The following CFAP46 variants were observed in gnomAD, a reference collection of about 807,000 sequenced individuals.
CFAP46 encodes the protein cilia- and flagella-associated protein 46.
Under a neutral mutation model 325.7 loss-of-function variants are expected in CFAP46, and 245 were observed. The observed-to-expected ratio is 0.75, with a 90% CI of 0.68 to 0.84. The LOEUF (loss-of-function observed/expected upper bound fraction) is 0.84. CFAP46 is among the 40% of genes least tolerant of loss of function. The pLI, the probability that CFAP46 is intolerant of heterozygous loss-of-function variation, is 0.00. For missense variants in CFAP46, 3,346 were observed against 3,543.0 expected, an observed-to-expected ratio of 0.94 and a Z score of 1.41; for synonymous variants, 1,523 against 1,495.9, an observed-to-expected ratio of 1.02 and a Z score of -0.42.
At chr10:132,879,694 A>G in intron 28 of CFAP46, 63 bp from the exon 29 acceptor site, 1 of 1,417,324 alleles carries the variant, frequency 7.1e-7, no homozygotes, top group Non-Finnish European at 9.3e-7. Context: ...GCCCCAGGCC[A>G]CTCCCTTCCC....
At chr10:132,883,519 G>A (rs534593277) in intron 27 of CFAP46, among the ~76,000 whole-genome samples, 1 of 152,378 alleles carries the variant, frequency 6.6e-6, no homozygotes, top group South Asian at 2.1e-4. Flanking sequence ...CTGCAGGCGG[G>A]AAGGCAACCC....
In CFAP46 at chr10:132,832,036, C is replaced by G. The variant is rs934262127; in HGVS notation, c.7117+1322G>C. 1.3e-5 allele frequency among the ~76,000 whole-genome samples: 2 copies of G among 152,170 alleles called. No homozygotes were observed. Among genetic ancestry groups the G allele is most frequent in the African/African-American group, 4.8e-5 (2 of 41,452 alleles). On this transcript the variant is annotated intron_variant, in intron 50 of 57. Coordinates refer to ENST00000368586, the MANE Select transcript of CFAP46 (RefSeq NM_001200049.3). The surrounding 1 kb of genome is among the most constrained non-coding windows in gnomAD (Gnocchi z 4.1). ...TTTAAATACTTTGCTTCCATTCCCT[C>G]CCTCTCATCTTTTGTGCTGTCGTCA... is the stretch of plus-strand genomic sequence containing the variant.
rs780095683 is a variant in CFAP46 at position 132,835,416 on chromosome 10, C to T, written c.6632G>A (p.Arg2211His). 8.7e-6 allele frequency: 14 copies of T among 1,613,390 alleles called. No individual in the cohort carries two copies. Among genetic ancestry groups the T allele is most frequent in the South Asian group, 4.4e-5 (4 of 91,080 alleles). The change falls in exon 47 of 58, where the codon CGT (arginine) becomes CAT (histidine). Residue 2211 changes from arginine (R) to histidine (H), a missense_variant. Arg to His is a conservative substitution (Grantham distance 29). Coordinates refer to ENST00000368586, the MANE Select transcript of CFAP46 (RefSeq NM_001200049.3). ...QAVGGSCKVMRLAISPTAFSH... is the reference protein window; with the variant it reads ...QAVGGSCKVMHLAISPTAFSH... ...GAAGGCAGTGGGACTTATGGCCAGA[C>T]GCATCACCTTGCAGGAGCCTGTGGG...
At chr10:132,865,992 G>A (rs897377869) in intron 35 of CFAP46, 33 bp downstream of exon 35, 15 of 1,468,554 alleles carry the variant, frequency 1.0e-5, no homozygotes, top group Middle Eastern at 2.0e-4. Context: ...GGGAGCGGCT[G>A]TGGATGGTGA....
chr10:132,813,840 TG>T, intron 54 of CFAP46, among the ~76,000 whole-genome samples: 1 of 152,284 alleles, frequency 6.6e-6, no homozygotes, highest in East Asian at 1.9e-4. Context: ...CAAGGGCATC[TG>T]GGGGGCAGAG....
At chr10:132,934,937 C>T (rs1287348722) in intron 7 of CFAP46, 75 bp from the exon 8 acceptor site, 15 of 957,292 alleles carry the variant, frequency 1.6e-5, no homozygotes, top group Admixed American at 3.9e-5. Context: ...AGAAACTCTG[C>T]GTGTATGAAA....
In CFAP46 at chr10:132,885,961, TG is replaced by T. The variant is rs1564789910; in HGVS notation, c.3305-3del. The T allele has an allele frequency of 6.5e-7, 1 of 1,549,262 alleles. No homozygotes were observed. Among genetic ancestry groups the T allele is most frequent in the Non-Finnish European group, 8.7e-7 (1 of 1,146,132 alleles). On this transcript the variant is annotated splice_polypyrimidine_tract_variant and splice_region_variant and intron_variant, in intron 25 of 57. Transcript: ENST00000368586. ...GGAGCGCCAGGTCGTCCTCAGCCCC[TG>T]GGAGGGAGAAGGAGGGGTGTCCTTG... is the stretch of plus-strand genomic sequence containing the variant.
At chr10:132,859,023 G>T in intron 38 of CFAP46, 48 bp downstream of exon 38, 1 of 1,522,900 alleles carries the variant, frequency 6.6e-7, no homozygotes, top group African/African-American at 1.4e-5. Context: ...CGTGTTGTGT[G>T]TAAGAGAAGC....
chr10:132,836,926 A>G lies in CFAP46; in HGVS notation c.6439-12T>C, dbSNP rs1370838201. The G allele has an allele frequency of 1.2e-6, 2 of 1,606,300 alleles. No homozygotes were observed. Among genetic ancestry groups the G allele is most frequent in the Non-Finnish European group, 1.7e-6 (2 of 1,173,200 alleles). On this transcript the variant is annotated splice_polypyrimidine_tract_variant and intron_variant, in intron 44 of 57. Transcript: ENST00000368586. ...AGATTTTGCCAAGCCTGTGTGGCGAAAAACGGCCATCAGGGGATGCATTTA... is the reference window on the plus strand; with the variant it reads ...AGATTTTGCCAAGCCTGTGTGGCGAGAAACGGCCATCAGGGGATGCATTTA...
rs1374757798 is a variant in CFAP46 at position 132,820,341 on chromosome 10, G to A, written c.7118-5427C>T. 4.0e-5 allele frequency among the ~76,000 whole-genome samples: 6 copies of A among 151,348 alleles called. No individual in the cohort carries two copies. In the East Asian group the frequency reaches 1.2e-3, roughly 29 times the overall value. On this transcript the variant is annotated intron_variant, in intron 50 of 57. Transcript: ENST00000368586. ...AGCAGAGTGAGTGGTGGCTGACGGG[G>A]GCTGGGGGAGGGAGTGAGAGGTGCT... is the stretch of plus-strand genomic sequence containing the variant.
At chr10:132,925,109 C>T (rs1183970313) in intron 10 of CFAP46, among the ~76,000 whole-genome samples, 1 of 151,708 alleles carries the variant, frequency 6.6e-6, no homozygotes, top group African/African-American at 2.4e-5. Context: ...GGTGCCCACA[C>T]ATCGTGGCTG....
At chr10:132,825,294 C>T (rs1369195601) in intron 50 of CFAP46, among the ~76,000 whole-genome samples, 1 of 150,702 alleles carries the variant, frequency 6.6e-6, no homozygotes, top group Non-Finnish European at 1.5e-5. Flanking sequence ...CTGATGTGTG[C>T]TGTGTGTACT....
At chr10:132,833,656 C>T (rs1224389299) in intron 49 of CFAP46, 131 bp from the exon 50 acceptor site, 3 of 863,128 alleles carry the variant, frequency 3.5e-6, no homozygotes, top group Admixed American at 2.5e-5. Context: ...CTCCATGCCA[C>T]CTCCTCCTCC....
At chr10:132,904,655 T>C (rs1591082321) in intron 22 of CFAP46, among the ~76,000 whole-genome samples, 1 of 152,328 alleles carries the variant, frequency 6.6e-6, no homozygotes, top group East Asian at 1.9e-4. Context: ...CCCTCCACAC[T>C]TGGGGAAGTA....
chr10:132,879,137 C>G (rs1263499558), intron 29 of CFAP46, among the ~76,000 whole-genome samples: 1 of 152,154 alleles, frequency 6.6e-6, no homozygotes, highest in African/African-American at 2.4e-5. Flanking sequence ...ACCGGCTGAT[C>G]TGGAGGGAGC....
At position 132,912,788 on chromosome 10, in the gene CFAP46, G is replaced by A. The variant is rs1849573799; in HGVS notation, c.2366C>T (p.Thr789Ile). ...DPVMLVTLCN[T>I]LARGLIISWI... is the part of the protein sequence containing the mutation. ...GCTGATGATCAGGCCTCGCGCCAAG[G>A]TGTTGCAGAGCGTCACCAGCATCAC... The change falls in exon 19 of 58, where the codon ACC (threonine) becomes ATC (isoleucine). Residue 789 changes from threonine to isoleucine, a missense_variant. Thr to Ile is a moderately conservative substitution (Grantham distance 89, BLOSUM62 -1). Transcript: ENST00000368586. 6.5e-7 allele frequency: 1 copy of A among 1,549,986 alleles called. No homozygotes were observed. The highest frequency in any genetic ancestry group is 2.4e-5 in the East Asian group (1 of 40,918).
At chr10:132,909,862 A>C in intron 20 of CFAP46, 57 bp downstream of exon 20, 1 of 1,355,646 alleles carries the variant, frequency 7.4e-7, no homozygotes, top group Non-Finnish European at 9.5e-7. Context: ...CGGCTGTCTC[A>C]GATCTCTATG....
At chr10:132,916,509 GC>G in intron 17 of CFAP46, 39 bp downstream of exon 17, 2 of 1,535,346 alleles carry the variant, frequency 1.3e-6, no homozygotes, top group South Asian at 2.4e-5. Context: ...CTGACCCACG[GC>G]CCCGGGCGGT....
At chr10:132,912,602 CT>C in intron 19 of CFAP46, 52 bp downstream of exon 19, 1 of 1,408,860 alleles carries the variant, frequency 7.1e-7, no homozygotes, top group Non-Finnish European at 9.4e-7. Flanking sequence ...TCTCTCCTCT[CT>C]CCTCTCTCTC....
Sources: gnomAD v4.1 joint callset for allele counts (sites outside exome capture counted in the v4.1 genomes callset) on GRCh38, gnomAD v4.1.1 for gene constraint, Gnocchi (gnomAD v3.1) non-coding constraint, MANE v1.5 for transcripts, NCBI Gene and HGNC (gene_info 2026-07-23, HGNC 2026-07-21) for gene names.